Variants in CSMD1 observed in about 807,000 individuals in gnomAD.
The protein encoded by CSMD1 is CUB and Sushi multiple domains 1.
CSMD1 carries 213 observed loss-of-function variants against 417.5 expected under a neutral mutation model. The observed-to-expected ratio is 0.51, with a 90% CI of 0.46 to 0.57. The LOEUF (loss-of-function observed/expected upper bound fraction) is 0.57, where lower values mean the gene tolerates loss of function less well. Among genes scored for constraint, CSMD1 ranks in the 20% least tolerant of loss-of-function variants. The pLI, the probability that CSMD1 is intolerant of heterozygous loss-of-function variation, is 0.00. For synonymous variants in CSMD1, 2,862 were observed against 1,736.8 expected (o/e 1.65, Z -16.11); for missense variants, 6,923 against 4,529.7 (o/e 1.53, Z -15.17).
chr8:4,016,456 G>C (rs1796528404), intron 4 of CSMD1, among the ~76,000 whole-genome samples: 1 of 152,130 alleles, frequency 6.6e-6, no homozygotes, highest in Admixed American at 6.5e-5. Context: ...ACGTCTCCAG[G>C]TCTCAGGCCT....
chr8:3,986,875 C>G (rs1211061016), intron 5 of CSMD1, among the ~76,000 whole-genome samples: 3 of 152,088 alleles, frequency 2.0e-5, no homozygotes, highest in Non-Finnish European at 4.4e-5. Context: ...CTGCTTCAGC[C>G]TCCCAAGTAG....
intron 7 of CSMD1, among the ~76,000 whole-genome samples, chr8:3,633,042 G>C (rs529793906): frequency 1.6e-4 from 24 of 152,322 alleles, no homozygotes; most frequent in East Asian, 5.8e-4. Flanking sequence ...GATACTTTTA[G>C]TGTTAGAGTC....
At chr8:4,370,376 T>C (rs568505237) in intron 3 of CSMD1, among the ~76,000 whole-genome samples, 35 of 152,318 alleles carry the variant, frequency 2.3e-4, no homozygotes, top group South Asian at 1.2e-3. Flanking sequence ...TTCAAGATTT[T>C]TTCTTTCTCA....
chr8:4,172,018 T>A (rs1220982000), intron 3 of CSMD1, among the ~76,000 whole-genome samples: 1 of 152,158 alleles, frequency 6.6e-6, no homozygotes, highest in Non-Finnish European at 1.5e-5. Context: ...AAGCAGCACA[T>A]AATATTTTCA....
intron 5 of CSMD1, among the ~76,000 whole-genome samples, chr8:3,886,355 A>G (rs183708530): frequency 3.0e-4 from 45 of 152,292 alleles, no homozygotes; most frequent in African/African-American, 7.5e-4. Context: ...GGCCCATTAT[A>G]TATTTTTTAA....
intron 6 of CSMD1, among the ~76,000 whole-genome samples, chr8:3,738,097 C>T (rs2720824): frequency 0.93 from 141,991 of 152,298 alleles, 67,025 homozygotes; most frequent in Non-Finnish European, 1. Context: ...TCCATTAGCA[C>T]TGTGTGGGCT....
chr8:3,731,613 G>C (rs1796266729), intron 6 of CSMD1, among the ~76,000 whole-genome samples: 1 of 152,108 alleles, frequency 6.6e-6, no homozygotes, highest in African/African-American at 2.4e-5. Flanking sequence ...ACCAACCAAG[G>C]CTAAAATGGA....
chr8:3,913,694 G>T (rs1336617419), intron 5 of CSMD1, among the ~76,000 whole-genome samples: 3 of 152,146 alleles, frequency 2.0e-5, no homozygotes, highest in African/African-American at 4.8e-5. Context: ...CAAACTTTCA[G>T]GAAGTTTAGA....
chr8:3,246,991 A>T (rs968633665), intron 26 of CSMD1, among the ~76,000 whole-genome samples: 24 of 152,188 alleles, frequency 1.6e-4, no homozygotes, highest in Non-Finnish European at 2.6e-4. Flanking sequence ...TTAAGGCAAG[A>T]GTTATTACCT....
intron 18 of CSMD1, 24 bp downstream of exon 18, chr8:3,387,470 A>G (rs1463837138): frequency 1.3e-6 from 2 of 1,571,262 alleles, no homozygotes; most frequent in Non-Finnish European, 8.6e-7. Context: ...CTGCTGGTGC[A>G]TTGCCTCACT....
chr8:4,705,535 C>G (rs920950124), intron 1 of CSMD1, among the ~76,000 whole-genome samples: 8 of 152,276 alleles, frequency 5.3e-5, no homozygotes, highest in East Asian at 3.9e-4. Context: ...ATCTCTTTAC[C>G]CCTAGATTCT....
chr8:4,146,602 T>TTTTTG (rs1804148002), intron 3 of CSMD1, among the ~76,000 whole-genome samples: 1 of 48,486 alleles, frequency 2.1e-5, no homozygotes, highest in Non-Finnish European at 3.4e-5. Flanking sequence ...ACATTTTTTT[T>TTTTTG]TTTTTTTTTT....
In CSMD1 at chr8:3,983,064, CTT is replaced by C. The variant is rs1297577399; in HGVS notation, c.818+14837_818+14838del. 4.6e-5 allele frequency among the ~76,000 whole-genome samples: 7 copies of C among 152,054 alleles called. No individual in the cohort carries two copies. The South Asian group carries it at 1.5e-3, about 32-fold the overall frequency. ...GGATCCCAATCCAAGTTGGCTGACT[CTT>C]TTCCCCAGGAGCCTCTAATGATGTA... On this transcript the variant is annotated intron_variant, in intron 5 of 69. Transcript: ENST00000635120.
intron 7 of CSMD1, among the ~76,000 whole-genome samples, chr8:3,687,785 T>G (rs1213380334): frequency 6.6e-6 from 1 of 152,144 alleles, no homozygotes; most frequent in African/African-American, 2.4e-5. Flanking sequence ...GTAAAAACAC[T>G]TGATCTTTGC....
chr8:4,743,882 T>G (rs1334742543), intron 1 of CSMD1, among the ~76,000 whole-genome samples: 1 of 152,172 alleles, frequency 6.6e-6, no homozygotes, highest in African/African-American at 2.4e-5. Flanking sequence ...AAGTTCTAGT[T>G]GCTCCCTATA....
chr8:4,512,627 G>T lies in CSMD1; in HGVS notation c.303-92562C>A, dbSNP rs146826302. ...TTAACACTAATGCACAAAATAAATT[G>T]CTTTTTTATATACCGGCAATGAAAT... On this transcript the variant is annotated intron_variant, in intron 2 of 69. Transcript: ENST00000635120. 6.0e-4 allele frequency among the ~76,000 whole-genome samples: 91 copies of T among 152,044 alleles called. 2 individuals carry two copies. The highest frequency in any genetic ancestry group is 2.1e-3 in the African/African-American group (87 of 41,500).
intron 1 of CSMD1, among the ~76,000 whole-genome samples, chr8:4,913,266 T>C (rs7821891): frequency 0.46 from 70,351 of 152,088 alleles, 16,701 homozygotes; most frequent in East Asian, 0.56. Flanking sequence ...TCTTCTTTCC[T>C]GCCACAGGTT....
intron 10 of CSMD1, among the ~76,000 whole-genome samples, chr8:3,508,422 G>A (rs1034915982): frequency 6.6e-6 from 1 of 151,676 alleles, no homozygotes; most frequent in African/African-American, 2.4e-5. Context: ...CGAGTTAATG[G>A]GTGCAGCACA....
chr8:4,932,711 G>A (rs1350600214), intron 1 of CSMD1, among the ~76,000 whole-genome samples: 6 of 152,126 alleles, frequency 3.9e-5, no homozygotes, highest in Admixed American at 2.6e-4. Flanking sequence ...ACCATGTGCT[G>A]GCACAGAAGT....
Sources: allele counts gnomAD v4.1 joint callset (sites outside exome capture counted in the v4.1 genomes callset), GRCh38; gene constraint gnomAD v4.1.1; transcripts MANE v1.5; gene names NCBI Gene and HGNC (gene_info 2026-07-23, HGNC 2026-07-21).